Variants in NRXN3 observed in about 807,000 individuals in gnomAD.
The protein encoded by NRXN3 is neurexin 3.
In NRXN3, 32 loss-of-function variants were observed where a neutral mutation model predicts 137.6. That is an observed-to-expected ratio of 0.23 (90% confidence interval 0.18 to 0.31). The LOEUF (loss-of-function observed/expected upper bound fraction) is 0.31, where lower values mean the gene tolerates loss of function less well. Among genes scored for constraint, NRXN3 ranks in the 10% least tolerant of loss-of-function variants. The pLI, the probability that NRXN3 is intolerant of heterozygous loss-of-function variation, is 1.00. For missense variants in NRXN3, 1,574 were observed against 2,062.5 expected (o/e 0.76, Z 4.59); for synonymous variants, 798 against 784.5 (o/e 1.02, Z -0.29).
At chr14:79,287,957 A>T (rs2082552183) in intron 15 of NRXN3, among the ~76,000 whole-genome samples, 1 of 152,162 alleles carries the variant, frequency 6.6e-6, no homozygotes, top group African/African-American at 2.4e-5. Flanking sequence ...ACAATGAGAG[A>T]TTTGAGTGAG....
intron 6 of NRXN3, among the ~76,000 whole-genome samples, chr14:78,670,045 G>A (rs1245236560): frequency 6.6e-6 from 1 of 150,550 alleles, no homozygotes; most frequent in Non-Finnish European, 1.5e-5. Flanking sequence ...AGTGTGTGAT[G>A]TTCCTCTCCC....
chr14:78,737,553 C>T (rs1451922426), intron 8 of NRXN3, among the ~76,000 whole-genome samples: 1 of 152,086 alleles, frequency 6.6e-6, no homozygotes, highest in Non-Finnish European at 1.5e-5. Context: ...GACAGCTCTG[C>T]TGCCCAACAC....
At chr14:78,563,101 G>T (rs1290700187) in intron 4 of NRXN3, among the ~76,000 whole-genome samples, 1 of 152,182 alleles carries the variant, frequency 6.6e-6, no homozygotes, top group African/African-American at 2.4e-5. Context: ...TGTGACCAAG[G>T]CTTCTCACAG....
intron 8 of NRXN3, among the ~76,000 whole-genome samples, chr14:78,756,333 C>T (rs2098668109): frequency 6.6e-6 from 1 of 151,872 alleles, no homozygotes; most frequent in African/African-American, 2.4e-5. Context: ...ACTAAAGATA[C>T]AAAAATTAGT....
intron 15 of NRXN3, among the ~76,000 whole-genome samples, chr14:79,379,014 G>A (rs898149023): frequency 5.9e-5 from 9 of 152,140 alleles, no homozygotes; most frequent in Non-Finnish European, 7.3e-5. Context: ...TTCTGCTCAG[G>A]TCACTGTGGA....
intron 15 of NRXN3, among the ~76,000 whole-genome samples, chr14:79,369,064 C>T (rs139215251): frequency 3.3e-5 from 5 of 152,108 alleles, no homozygotes; most frequent in East Asian, 1.9e-4. Flanking sequence ...GCAAAAACTA[C>T]GTGCAAACAG....
chr14:79,146,039 T>A (rs570590381), intron 15 of NRXN3, among the ~76,000 whole-genome samples: 31 of 152,294 alleles, frequency 2.0e-4, no homozygotes, highest in African/African-American at 7.0e-4. Flanking sequence ...CTAAAATCTG[T>A]GTTTTTTCCA....
intron 17 of NRXN3, among the ~76,000 whole-genome samples, chr14:79,665,784 C>T (rs1416769515): frequency 1.3e-5 from 2 of 152,092 alleles, no homozygotes; most frequent in South Asian, 2.1e-4. Context: ...TCTTGCTGTG[C>T]GCCTATCTTT....
chr14:78,605,269 G>GTCAT (rs2097239740), intron 4 of NRXN3, among the ~76,000 whole-genome samples: 2 of 152,184 alleles, frequency 1.3e-5, no homozygotes, highest in Admixed American at 1.3e-4. Context: ...AGAACAAGGA[G>GTCAT]TCATTAGTAT....
At chr14:78,991,210 A>G (rs1052257975) in intron 15 of NRXN3, among the ~76,000 whole-genome samples, 6 of 152,238 alleles carry the variant, frequency 3.9e-5, no homozygotes, top group Non-Finnish European at 8.8e-5. Context: ...TGGGTCTTAT[A>G]TGGAAGAGCA....
At position 78,714,683 on chromosome 14, in the gene NRXN3, A is replaced by G. The variant is rs2098423742; in HGVS notation, c.1661-73A>G. 1.3e-5 allele frequency: 20 copies of G among 1,536,862 alleles called. 1 individual carries two copies. The highest frequency in any genetic ancestry group is 1.7e-4 in the Middle Eastern group (1 of 5,782). On this transcript the variant is annotated intron_variant, in intron 7 of 20. Coordinates refer to ENST00000335750, the MANE Select transcript of NRXN3 (RefSeq NM_001330195.2). The stretch of plus-strand genomic sequence containing the variant: ...TGGCCAGCCAATGGCTGGGCTCAGC[A>G]CTCACCTGTTAGGTTTCTTACATTT...
At chr14:79,845,534 G>A (rs2099365297) in intron 20 of NRXN3, among the ~76,000 whole-genome samples, 1 of 151,944 alleles carries the variant, frequency 6.6e-6, no homozygotes, top group South Asian at 2.1e-4. Flanking sequence ...TGGGGGTGGG[G>A]GGCTGGAGAG....
intron 10 of NRXN3, among the ~76,000 whole-genome samples, chr14:78,953,770 A>C (rs1235727917): frequency 6.6e-6 from 1 of 152,136 alleles, no homozygotes; most frequent in East Asian, 1.9e-4. Flanking sequence ...TTTTGTGATC[A>C]ATATTTATTA....
At chr14:78,377,922 G>T (rs11845505) in intron 4 of NRXN3, among the ~76,000 whole-genome samples, 7 of 152,344 alleles carry the variant, frequency 4.6e-5, no homozygotes, top group South Asian at 4.1e-4. Flanking sequence ...CCAACTAATA[G>T]GAACTAATTG....
intron 16 of NRXN3, among the ~76,000 whole-genome samples, chr14:79,657,374 G>A (rs2098511421): frequency 6.6e-6 from 1 of 152,166 alleles, no homozygotes; most frequent in African/African-American, 2.4e-5. Flanking sequence ...TTCTCAAGGG[G>A]AGGGGACTGG....
intron 4 of NRXN3, among the ~76,000 whole-genome samples, chr14:78,474,715 C>G (rs148013707): frequency 6.6e-6 from 1 of 152,166 alleles, no homozygotes; most frequent in African/African-American, 2.4e-5. Flanking sequence ...AGAAAGTTCC[C>G]TACCATAAGG....
chr14:78,958,020 T>C (rs947518376), intron 11 of NRXN3, among the ~76,000 whole-genome samples: 20 of 152,154 alleles, frequency 1.3e-4, no homozygotes, highest in Admixed American at 8.5e-4. Context: ...TAAGAGTCTG[T>C]TCTATGTCAG....
In NRXN3 at chr14:78,255,455, G is replaced by C. The variant is rs560275536; in HGVS notation, c.709+11653G>C. Among the ~76,000 whole-genome samples the C allele has an allele frequency of 4.6e-5, 7 of 152,322 alleles. No individual in the cohort carries two copies. In the South Asian group the frequency reaches 1.5e-3, roughly 32 times the overall value. On this transcript the variant is annotated intron_variant, in intron 2 of 20. Coordinates refer to ENST00000335750, the MANE Select transcript of NRXN3 (RefSeq NM_001330195.2). ...TTTGCTATTTGCTCTTCCTGATGTTGAGTTTTCAGCCTTGTGTTAACACAG... is the reference window on the plus strand; with the variant it reads ...TTTGCTATTTGCTCTTCCTGATGTTCAGTTTTCAGCCTTGTGTTAACACAG...
rs568430473 is a variant in NRXN3 at position 78,588,552 on chromosome 14, G to T, written c.758-56568G>T. Among the ~76,000 whole-genome samples, 7 of 152,302 alleles carry T rather than the reference G, an allele frequency of 4.6e-5. No individual in the cohort carries two copies. In the East Asian group the frequency reaches 9.7e-4, roughly 21 times the overall value. On this transcript the variant is annotated intron_variant, in intron 4 of 20. Transcript: ENST00000335750. Reference sequence around the variant, plus strand: ...GATCTAGGCTTGGCTCTGCCACTAAGTGACTATGTAGAACTAGGCAAATCT... The same window carrying T: ...GATCTAGGCTTGGCTCTGCCACTAATTGACTATGTAGAACTAGGCAAATCT...
Sources: allele counts gnomAD v4.1 joint callset (sites outside exome capture counted in the v4.1 genomes callset), GRCh38; gene constraint gnomAD v4.1.1; transcripts MANE v1.5; gene names NCBI Gene and HGNC (gene_info 2026-07-23, HGNC 2026-07-21).